Variants in UGT2B7 observed in about 807,000 individuals in gnomAD.
The protein encoded by UGT2B7 is UDP-glucuronosyltransferase 2B7.
UGT2B7 carries 51 observed loss-of-function variants against 51.9 expected under a neutral mutation model. The observed-to-expected ratio is 0.98, with a 90% CI of 0.78 to 1.24. UGT2B7 has a LOEUF of 1.24. Among genes scored for constraint, UGT2B7 ranks in the 50% most tolerant of loss-of-function variants. The pLI is 0.00. For missense variants in UGT2B7, 727 were observed against 628.4 expected (o/e 1.16, Z -1.68); for synonymous variants, 225 against 211.6 (o/e 1.06, Z -0.55).
At chr4:69,103,620 C>G (rs1719496022) in intron 3 of UGT2B7, among the ~76,000 whole-genome samples, 1 of 152,106 alleles carries the variant, frequency 6.6e-6, no homozygotes, top group East Asian at 1.9e-4. Context: ...GAACTGTGTC[C>G]TTTTAGAAAT....
At chr4:69,056,421 G>A (rs1397695723) in intron 1 of UGT2B7, among the ~76,000 whole-genome samples, 2 of 152,168 alleles carry the variant, frequency 1.3e-5, no homozygotes, top group African/African-American at 4.8e-5. Context: ...ACTAGTTCTC[G>A]ACTACTTGCT....
chr4:69,072,428 G>A (rs1160667283), intron 1 of UGT2B7, among the ~76,000 whole-genome samples: 1 of 152,144 alleles, frequency 6.6e-6, no homozygotes, highest in Non-Finnish European at 1.5e-5. Context: ...TGAATTTAAT[G>A]ATGAAAATAA....
chr4:69,104,520 A>G (rs1490454070), intron 3 of UGT2B7, among the ~76,000 whole-genome samples: 1 of 152,196 alleles, frequency 6.6e-6, no homozygotes, highest in Non-Finnish European at 1.5e-5. Context: ...CTGATGGGAA[A>G]GCAATAATTT....
At chr4:69,095,674 C>T (rs1357160997), upstream of UGT2B7, among the ~76,000 whole-genome samples, 1 of 152,134 alleles carries the variant, frequency 6.6e-6, no homozygotes, top group Non-Finnish European at 1.5e-5. Flanking sequence ...GCTTGGTTTA[C>T]TTTTCTCTTT....
At chr4:69,073,620 G>T (rs1718643982) in intron 1 of UGT2B7, among the ~76,000 whole-genome samples, 1 of 152,146 alleles carries the variant, frequency 6.6e-6, no homozygotes, top group South Asian at 2.1e-4. Flanking sequence ...AGGACATGCA[G>T]GTTGCAAGAG....
At chr4:69,058,924 G>A (rs1351404278) in intron 1 of UGT2B7, among the ~76,000 whole-genome samples, 2 of 152,200 alleles carry the variant, frequency 1.3e-5, no homozygotes, top group African/African-American at 4.8e-5. Flanking sequence ...GGCCCAGGTT[G>A]GAAAGAGATC....
At chr4:69,070,955 G>C (rs4694602) in intron 1 of UGT2B7, among the ~76,000 whole-genome samples, 65,195 of 151,908 alleles carry the variant, frequency 0.43, 15,542 homozygotes, top group African/African-American at 0.64. Flanking sequence ...TGTTTCAAAA[G>C]TCTAGATGGT....
intron 1 of UGT2B7, among the ~76,000 whole-genome samples, chr4:69,064,104 AAG>A (rs1560499783): frequency 5.4e-5 from 6 of 110,618 alleles, no homozygotes; most frequent in Non-Finnish European, 1.1e-4. Context: ...AAGAGAAAGA[AAG>A]AAAGAAAAAG....
intron 1 of UGT2B7, among the ~76,000 whole-genome samples, chr4:69,051,763 T>C (rs1162851778): frequency 1.3e-5 from 2 of 152,244 alleles, no homozygotes; most frequent in Non-Finnish European, 2.9e-5. Flanking sequence ...AGTGGAAGCG[T>C]GGCCTGATCA....
chr4:69,091,693 G>T (rs1317466130), upstream of UGT2B7, among the ~76,000 whole-genome samples: 1 of 152,142 alleles, frequency 6.6e-6, no homozygotes, highest in African/African-American at 2.4e-5. Context: ...CTGCAGCTCT[G>T]CTGTGCTGGT....
intron 1 of UGT2B7, among the ~76,000 whole-genome samples, chr4:69,060,452 T>C (rs1435043231): frequency 6.6e-6 from 1 of 152,114 alleles, no homozygotes; most frequent in Non-Finnish European, 1.5e-5. Flanking sequence ...AAGGAGCTCC[T>C]CCTCTGGGAG....
At chr4:69,095,589 A>G (rs1719201655), upstream of UGT2B7, among the ~76,000 whole-genome samples, 1 of 152,230 alleles carries the variant, frequency 6.6e-6, no homozygotes. Flanking sequence ...TAATTCTAGG[A>G]CAACAGCCAA....
chr4:69,072,880 C>A (rs1401482638), intron 1 of UGT2B7, among the ~76,000 whole-genome samples: 1 of 152,058 alleles, frequency 6.6e-6, no homozygotes, highest in African/African-American at 2.4e-5. Context: ...CATTTGTTAT[C>A]ATTATAAAAG....
At chr4:69,104,806 A>T (rs1311326627) in intron 3 of UGT2B7, among the ~76,000 whole-genome samples, 5 of 152,182 alleles carry the variant, frequency 3.3e-5, no homozygotes, top group African/African-American at 1.2e-4. Context: ...TTTAATGGGT[A>T]ACTTCACTAC....
chr4:69,073,453 T>G (rs1718641179), intron 1 of UGT2B7, among the ~76,000 whole-genome samples: 1 of 152,156 alleles, frequency 6.6e-6, no homozygotes, highest in Non-Finnish European at 1.5e-5. Context: ...TGAATTTGTT[T>G]TTCATAAAAG....
chr4:69,053,373 C>T (rs964883570), intron 1 of UGT2B7, among the ~76,000 whole-genome samples: 3 of 152,158 alleles, frequency 2.0e-5, no homozygotes, highest in African/African-American at 7.2e-5. Context: ...TTAAAAAAAA[C>T]TTTGGCAATT....
At chr4:69,095,345 C>A (rs956745200), upstream of UGT2B7, among the ~76,000 whole-genome samples, 4 of 152,156 alleles carry the variant, frequency 2.6e-5, no homozygotes, top group African/African-American at 9.7e-5. Flanking sequence ...GAACAAGAAA[C>A]TACATTATTT....
intron 1 of UGT2B7, among the ~76,000 whole-genome samples, chr4:69,064,721 T>G (rs926499511): frequency 6.6e-6 from 1 of 152,200 alleles, no homozygotes; most frequent in South Asian, 2.1e-4. Context: ...TTAAGTCAGC[T>G]GAGTCTGAGT....
chr4:69,090,244 A>G (rs1294257071), intron 2 of UGT2B7, among the ~76,000 whole-genome samples: 1 of 152,174 alleles, frequency 6.6e-6, no homozygotes, highest in Admixed American at 6.5e-5. Context: ...TTAAAAATGT[A>G]ATGTTTAATT....
Sources: gnomAD v4.1 joint callset for allele counts (sites outside exome capture counted in the v4.1 genomes callset) on GRCh38, gnomAD v4.1.1 for gene constraint, MANE v1.5 for transcripts, NCBI Gene and HGNC (gene_info 2026-07-23, HGNC 2026-07-21) for gene names.